Variants in STAT5B observed in about 807,000 individuals in gnomAD.
The protein encoded by STAT5B is signal transducer and activator of transcription 5B.
A neutral mutation model predicts 107.8 loss-of-function variants in STAT5B; 21 were observed. That is an observed-to-expected ratio of 0.19 (90% confidence interval 0.14 to 0.28). The LOEUF (loss-of-function observed/expected upper bound fraction) is 0.28, where lower values mean the gene tolerates loss of function less well. STAT5B is among the 10% of genes least tolerant of loss of function. The probability of loss-of-function intolerance (pLI) is 1.00; values close to 1 mark genes in which losing one functional copy is unlikely to be tolerated. For missense variants in STAT5B, 565 were observed against 1,008.2 expected, an observed-to-expected ratio of 0.56 and a Z score of 5.95; for synonymous variants, 325 against 401.7, an observed-to-expected ratio of 0.81 and a Z score of 2.28.
intron 1 of STAT5B, chr17:42,275,297 A>G (rs1053246256): frequency 6.6e-6 from 1 of 152,156 alleles, no homozygotes; most frequent in Non-Finnish European, 1.5e-5. Flanking sequence ...AGGGACCAAG[A>G]AGAAAAGAAC....
intron 16 of STAT5B, among the ~76,000 whole-genome samples, chr17:42,203,631 CT>C (rs898526514): frequency 2.0e-5 from 3 of 151,750 alleles, no homozygotes; most frequent in Non-Finnish European, 2.9e-5. Flanking sequence ...TGGAGGTTTT[CT>C]TTTTTTTCTT....
intron 1 of STAT5B, chr17:42,274,826 T>C (rs561494097): frequency 2.6e-5 from 4 of 152,192 alleles, no homozygotes; most frequent in Admixed American, 6.5e-5. Flanking sequence ...ACAAAATTAT[T>C]TGAAATAATG....
At chr17:42,282,630 G>A in the STAT5B span, among the ~76,000 whole-genome samples, 15 of 152,286 alleles carry the variant, frequency 9.8e-5, no homozygotes, top group South Asian at 6.2e-4. Flanking sequence ...TTGAGCCACC[G>A]CACCGGGCCT....
At chr17:42,286,362 AG>A in the STAT5B span, among the ~76,000 whole-genome samples, 1 of 152,120 alleles carries the variant, frequency 6.6e-6, no homozygotes, top group Admixed American at 6.6e-5. Context: ...GCACAGGGTC[AG>A]GGTGGGAGGC....
At chr17:42,222,527 G>A (rs1182119920) in intron 5 of STAT5B, among the ~76,000 whole-genome samples, 3 of 152,060 alleles carry the variant, frequency 2.0e-5, no homozygotes, top group Admixed American at 6.6e-5. Context: ...GTACTTACAC[G>A]TACCTGCTTA....
At chr17:42,241,018 A>G (rs1181489100) in intron 1 of STAT5B, among the ~76,000 whole-genome samples, 2 of 152,120 alleles carry the variant, frequency 1.3e-5, no homozygotes, top group Admixed American at 6.6e-5. Context: ...GCTCCAGTGA[A>G]TGACTAAGGA....
rs113234237 is a variant in STAT5B at position 42,199,570 on chromosome 17, A to G, written c.*2168T>C. The G allele has an allele frequency of 0.025, 3,857 of 152,346 alleles. 179 individuals carry two copies. The highest frequency in any genetic ancestry group is 0.089 in the African/African-American group (3,688 of 41,490). The allele number at this position is 152,346 out of a possible 1,614,324, so 9.4% of individuals were successfully genotyped here. A position where few individuals can be genotyped will look rare whatever the true frequency, so the allele number is the denominator to read the frequency against. On this transcript the variant is annotated 3_prime_UTR_variant, in exon 19 of 19. Transcript: ENST00000293328. ...CTTTATCTTGTGGTTTGCAGGAACA[A>G]GGAGGAGAGAGAAGATAGAACGCAG...
chr17:42,273,005 A>T (rs2080733305), intron 1 of STAT5B, among the ~76,000 whole-genome samples: 1 of 152,244 alleles, frequency 6.6e-6, no homozygotes, highest in Admixed American at 6.5e-5. Context: ...GCAGAGGATC[A>T]TCATTAATAA....
the STAT5B span, chr17:42,287,894 G>C: frequency 1.8e-4 from 27 of 152,416 alleles, no homozygotes; most frequent in Non-Finnish European, 2.9e-4. Flanking sequence ...GAAGGAGGGA[G>C]GTGCTGCGGT....
upstream of STAT5B, among the ~76,000 whole-genome samples, chr17:42,277,316 G>C (rs2080774257): frequency 6.6e-6 from 1 of 152,022 alleles, no homozygotes; most frequent in African/African-American, 2.4e-5. Flanking sequence ...CAAGCTGCAG[G>C]GGCCAAAAGA....
chr17:42,286,177 G>A, the STAT5B span, among the ~76,000 whole-genome samples: 2 of 143,096 alleles, frequency 1.4e-5, no homozygotes, highest in Admixed American at 1.5e-4. Context: ...AGGTTGCTGT[G>A]AGCCAAGATC....
At chr17:42,269,558 A>C (rs1184736411) in intron 1 of STAT5B, 2 of 152,214 alleles carry the variant, frequency 1.3e-5, no homozygotes, top group Non-Finnish European at 2.9e-5. Flanking sequence ...TAGATACCTC[A>C]CATTAAGCTT....
Position 42,240,795 on chromosome 17 carries a change from A to G in STAT5B, c.-10-8658T>C, listed in dbSNP as rs899669349. ...TGTTGAGGACTTAAGGTGGTTTGCC[A>G]TTTTCTATGTACTTTTCTGCCTGTT... On this transcript the variant is annotated intron_variant, in intron 1 of 18. Transcript: ENST00000293328. 2.6e-5 allele frequency among the ~76,000 whole-genome samples: 4 copies of G among 152,124 alleles called. No individual in the cohort carries two copies. In the East Asian group the frequency reaches 5.8e-4, roughly 22 times the overall value.
chr17:42,274,912 C>T (rs1234862974), intron 1 of STAT5B: 1 of 152,182 alleles, frequency 6.6e-6, no homozygotes, highest in Non-Finnish European at 1.5e-5. Flanking sequence ...TCCAAGCAGA[C>T]CATAAACACC....
At chr17:42,272,641 A>G (rs530812811) in intron 1 of STAT5B, 19 of 152,308 alleles carry the variant, frequency 1.2e-4, no homozygotes, top group Admixed American at 2.6e-4. Context: ...GACAAACCAC[A>G]TGGCATCTGA....
At position 42,229,643 on chromosome 17, in the gene STAT5B, T is replaced by A. The variant is rs144401909; in HGVS notation, c.129-1958A>T. 9.8e-3 allele frequency among the ~76,000 whole-genome samples: 1,483 copies of A among 150,990 alleles called. 23 individuals carry two copies. The highest frequency in any genetic ancestry group is 0.034 in the African/African-American group (1,391 of 41,148). ...ATCCCAGCACTTTGGGAGGCCGAAA[T>A]GGGCAGATCACAAGGTCAGGAGTTA... On this transcript the variant is annotated intron_variant, in intron 2 of 18. Transcript: ENST00000293328.
At chr17:42,286,763 T>C in the STAT5B span, among the ~76,000 whole-genome samples, 1 of 152,226 alleles carries the variant, frequency 6.6e-6, no homozygotes, top group Non-Finnish European at 1.5e-5. Context: ...TGAAGGGAAC[T>C]GCTGGAGGGC....
At chr17:42,249,346 T>C (rs1035276683) in intron 1 of STAT5B, among the ~76,000 whole-genome samples, 1 of 151,892 alleles carries the variant, frequency 6.6e-6, no homozygotes, top group African/African-American at 2.4e-5. Flanking sequence ...AGAGCCAAGA[T>C]TGCACCACTG....
chr17:42,227,600 C>T lies in STAT5B; in HGVS notation c.214G>A (p.Ala72Thr), dbSNP rs1214969218. 1 of 1,613,938 alleles carries T rather than the reference C, an allele frequency of 6.2e-7. No individual in the cohort carries two copies. The highest frequency in any genetic ancestry group is 8.5e-7 in the Non-Finnish European group (1 of 1,179,960). The change falls in exon 3 of 19, where the codon GCA (alanine) becomes ACA (threonine). Residue 72 changes from alanine to threonine, a missense_variant. By Grantham distance (58) the Ala-to-Thr change is moderately conservative. Around this residue, in one of 11 missense-constraint regions of STAT5B, gnomAD observed 83 missense variants for 145.1 expected, o/e 0.57. Transcript: ENST00000293328. ...EGLVQELQKK[A>T]EHQVGEDGFL... is the part of the protein sequence containing the mutation. The stretch of plus-strand genomic sequence containing the variant: ...CCATCTTCCCCCACCTGGTGCTCTG[C>T]CTTCTTCTGCAGCTCCTGCACCAGG...
Sources: allele counts gnomAD v4.1 joint callset (sites outside exome capture counted in the v4.1 genomes callset), GRCh38; gene constraint gnomAD v4.1.1; regional missense constraint gnomAD v4.1.1; transcripts MANE v1.5; gene names NCBI Gene and HGNC (gene_info 2026-07-23, HGNC 2026-07-21).